Variants in AKAIN1 observed in about 807,000 individuals in gnomAD.
AKAIN1 encodes A-kinase anchor protein inhibitor 1.
Under a neutral mutation model 3.7 loss-of-function variants are expected in AKAIN1, and 3 were observed. That is an observed-to-expected ratio of 0.82 (90% CI 0.37 to 2.12). The LOEUF is 2.12. Ranked by LOEUF, AKAIN1 falls within the 30% of genes most tolerant of loss-of-function variation. The probability of loss-of-function intolerance (pLI) is 0.06; values close to 1 mark genes in which losing one functional copy is unlikely to be tolerated. For missense variants in AKAIN1, 82 were observed against 82.7 expected (o/e 0.99, Z 0.03); for synonymous variants, 31 against 30.8 (o/e 1.01, Z -0.02).
intron 1 of AKAIN1, among the ~76,000 whole-genome samples, chr18:5,150,578 A>T (rs949253144): frequency 6.6e-6 from 1 of 152,082 alleles, no homozygotes; most frequent in African/African-American, 2.4e-5. Context: ...TCCACCTCGG[A>T]TTTTTACTTG....
intron 1 of AKAIN1, among the ~76,000 whole-genome samples, chr18:5,150,918 C>T (rs1336659875): frequency 1.3e-5 from 2 of 152,162 alleles, no homozygotes; most frequent in Non-Finnish European, 2.9e-5. Context: ...TACATTAGCC[C>T]TGTTATATTC....
At chr18:5,162,348 G>A (rs1392799896) in intron 1 of AKAIN1, among the ~76,000 whole-genome samples, 1 of 152,038 alleles carries the variant, frequency 6.6e-6, no homozygotes, top group Non-Finnish European at 1.5e-5. Flanking sequence ...ATCTGCTAGA[G>A]GAGGTAGATA....
At chr18:5,184,577 C>G (rs548242447) in intron 1 of AKAIN1, among the ~76,000 whole-genome samples, 2 of 151,998 alleles carry the variant, frequency 1.3e-5, no homozygotes, top group East Asian at 3.9e-4. Context: ...ATTGAGAATG[C>G]AATCCCATTC....
rs549021668 is a variant in AKAIN1, at chr18:5,162,617, A to G, written c.17-16862T>C. Among the ~76,000 whole-genome samples the G allele has an allele frequency of 2.1e-3, 278 of 134,614 alleles. 2 individuals carry two copies. The highest frequency in any genetic ancestry group is 7.6e-3 in the African/African-American group (263 of 34,514). The allele number at this position is 134,614 out of a possible 152,430, so 88.3% of individuals were successfully genotyped here. ...ATATTCAAACTCTATGAAGAGTTCAATGTGATGCGTGTGTGTGTGTGTGTG... is the reference window on the plus strand; with the variant it reads ...ATATTCAAACTCTATGAAGAGTTCAGTGTGATGCGTGTGTGTGTGTGTGTG... On this transcript the variant is annotated intron_variant, in intron 1 of 1. Transcript: ENST00000434239.
At chr18:5,180,197 GC>G (rs2071249423) in intron 1 of AKAIN1, among the ~76,000 whole-genome samples, 1 of 152,100 alleles carries the variant, frequency 6.6e-6, no homozygotes, top group Non-Finnish European at 1.5e-5. Context: ...TTAAAGTCCT[GC>G]CTACTACCTA....
chr18:5,146,209 G>T (rs1325988481), intron 1 of AKAIN1, among the ~76,000 whole-genome samples: 3 of 152,156 alleles, frequency 2.0e-5, no homozygotes, highest in Non-Finnish European at 4.4e-5. Context: ...TTCTAGAAAA[G>T]AACAGACCGT....
chr18:5,193,713 A>G (rs1306912235), intron 1 of AKAIN1, among the ~76,000 whole-genome samples: 1 of 152,096 alleles, frequency 6.6e-6, no homozygotes, highest in African/African-American at 2.4e-5. Context: ...TTCCTCATTG[A>G]CTTTGCCTAC....
intron 1 of AKAIN1, among the ~76,000 whole-genome samples, chr18:5,180,142 G>A (rs895749487): frequency 6.6e-5 from 10 of 152,078 alleles, no homozygotes; most frequent in Non-Finnish European, 4.4e-5. Flanking sequence ...TTTGTTCTCT[G>A]CCCTTCAATC....
intron 1 of AKAIN1, among the ~76,000 whole-genome samples, chr18:5,173,381 G>A (rs765535975): frequency 2.6e-5 from 4 of 152,048 alleles, no homozygotes; most frequent in Non-Finnish European, 5.9e-5. Context: ...CCAAAAAGAA[G>A]AACAGCCATC....
intron 1 of AKAIN1, among the ~76,000 whole-genome samples, chr18:5,175,634 C>T (rs2071221818): frequency 6.6e-6 from 1 of 152,080 alleles, no homozygotes; most frequent in African/African-American, 2.4e-5. Flanking sequence ...AAAAACGGTT[C>T]AGTAAGTTTA....
intron 1 of AKAIN1, among the ~76,000 whole-genome samples, chr18:5,176,232 A>C (rs905284110): frequency 5.3e-5 from 8 of 152,254 alleles, no homozygotes; most frequent in African/African-American, 1.9e-4. Flanking sequence ...TGAGGTCAGG[A>C]GTTCAAGACC....
chr18:5,178,088 G>T (rs912574113), intron 1 of AKAIN1, among the ~76,000 whole-genome samples: 1 of 152,100 alleles, frequency 6.6e-6, no homozygotes, highest in Non-Finnish European at 1.5e-5. Context: ...GTTGCTCGGG[G>T]TGGCTGCATG....
chr18:5,181,867 A>G (rs912870826), intron 1 of AKAIN1, among the ~76,000 whole-genome samples: 2 of 152,140 alleles, frequency 1.3e-5, no homozygotes, highest in African/African-American at 4.8e-5. Flanking sequence ...ATGGTAATGT[A>G]GGTCCTAATA....
intron 1 of AKAIN1, among the ~76,000 whole-genome samples, chr18:5,147,912 A>G (rs1290866162): frequency 6.6e-6 from 1 of 152,250 alleles, no homozygotes; most frequent in Admixed American, 6.5e-5. Context: ...AGGCATAGCT[A>G]TCAAGAATAT....
chr18:5,176,257 G>GGT (rs1293391891), intron 1 of AKAIN1, among the ~76,000 whole-genome samples: 1 of 152,092 alleles, frequency 6.6e-6, no homozygotes, highest in Non-Finnish European at 1.5e-5. Context: ...TGGCCAATAT[G>GGT]GTGAAACCCC....
intron 1 of AKAIN1, among the ~76,000 whole-genome samples, chr18:5,174,738 C>CAAA (rs113082512): frequency 4.0e-4 from 58 of 145,152 alleles, no homozygotes; most frequent in South Asian, 2.6e-3. Context: ...GAGATTCTGT[C>CAAA]AAAAAAAAAA....
intron 1 of AKAIN1, among the ~76,000 whole-genome samples, chr18:5,149,234 A>G (rs1406899436): frequency 6.6e-6 from 1 of 152,226 alleles, no homozygotes; most frequent in African/African-American, 2.4e-5. Flanking sequence ...GAGCAGAGAA[A>G]GAGAGGGATT....
chr18:5,156,780 G>A (rs2071110888), intron 1 of AKAIN1, among the ~76,000 whole-genome samples: 1 of 152,206 alleles, frequency 6.6e-6, no homozygotes, highest in Non-Finnish European at 1.5e-5. Flanking sequence ...ATGGCCTGGG[G>A]GTCTTTCTTG....
chr18:5,193,640 C>T (rs1466333393), intron 1 of AKAIN1, among the ~76,000 whole-genome samples: 3 of 152,162 alleles, frequency 2.0e-5, no homozygotes, highest in African/African-American at 7.2e-5. Context: ...CAAGAAATAT[C>T]CTGACATTCT....
Sources: allele counts gnomAD v4.1 joint callset (sites outside exome capture counted in the v4.1 genomes callset), GRCh38; gene constraint gnomAD v4.1.1; transcripts MANE v1.5; gene names NCBI Gene and HGNC (gene_info 2026-07-23, HGNC 2026-07-21).